Variants in BRAF observed in about 807,000 individuals in gnomAD.
The protein encoded by BRAF is serine/threonine-protein kinase B-raf.
BRAF carries 16 observed loss-of-function variants against 104.6 expected under a neutral mutation model. The ratio of observed to expected loss-of-function variants is 0.15; its 90% CI spans 0.10 to 0.23. The LOEUF is 0.23. Ranked by LOEUF, BRAF falls within the 10% of genes least tolerant of loss-of-function variation. BRAF has a pLI of 1.00. For synonymous variants in BRAF, 310 were observed against 341.6 expected (o/e 0.91, Z 1.02); for missense variants, 541 against 937.3 (o/e 0.58, Z 5.52).
Position 140,724,983 on chromosome 7 carries a change from G to C in BRAF, c.*1511C>G, listed in dbSNP as rs553762736. The C allele has an allele frequency of 2.9e-6, 3 of 1,044,588 alleles. No homozygotes were observed. Among genetic ancestry groups the C allele is most frequent in the Non-Finnish European group, 3.5e-6 (3 of 866,298 alleles). The allele number at this position is 1,044,588 out of a possible 1,614,324, so 64.7% of individuals were successfully genotyped here. A position where few individuals can be genotyped will look rare whatever the true frequency, so the allele number is the denominator to read the frequency against. On this transcript the variant is annotated 3_prime_UTR_variant, in exon 20 of 20. Transcript: ENST00000644969. ...GATAAGATTTAGGTTCTTAATGAAT[G>C]CCAGTTCTTTCTATAAAAACAACTG...
intron 1 of BRAF, 97 bp from the exon 2 acceptor site, chr7:140,850,309 T>G: frequency 1.1e-6 from 1 of 934,906 alleles, no homozygotes; most frequent in Non-Finnish European, 1.6e-6. Flanking sequence ...ACTGCCAGTG[T>G]TCCTCAAATT....
chr7:140,765,877 TG>T (rs1799267916), intron 14 of BRAF, among the ~76,000 whole-genome samples: 3 of 145,564 alleles, frequency 2.1e-5, no homozygotes, highest in South Asian at 4.4e-4. Context: ...TCAACCTTTG[TG>T]GAAGTCAGTG....
At chr7:140,797,259 C>T (rs1008432322) in intron 7 of BRAF, among the ~76,000 whole-genome samples, 4 of 152,182 alleles carry the variant, frequency 2.6e-5, no homozygotes, top group African/African-American at 2.4e-5. Context: ...AAACTTTGGT[C>T]TGGTGATACG....
At chr7:140,762,997 A>G (rs1449820880) in intron 14 of BRAF, among the ~76,000 whole-genome samples, 1 of 152,158 alleles carries the variant, frequency 6.6e-6, no homozygotes, top group Non-Finnish European at 1.5e-5. Context: ...AAAGTCTCCC[A>G]TGTCTACCTC....
At chr7:140,716,753 A>C (rs988005669), downstream of BRAF, among the ~76,000 whole-genome samples, 1 of 152,228 alleles carries the variant, frequency 6.6e-6, no homozygotes, top group Non-Finnish European at 1.5e-5. Context: ...TAAATACCAC[A>C]ATTAGTTGTC....
intron 1 of BRAF, among the ~76,000 whole-genome samples, chr7:140,899,058 T>TC (rs1456339584): frequency 6.6e-6 from 1 of 152,168 alleles, no homozygotes; most frequent in African/African-American, 2.4e-5. Flanking sequence ...GAACTTTTTT[T>TC]CTATCTTGGG....
intron 5 of BRAF, among the ~76,000 whole-genome samples, chr7:140,802,376 C>A (rs528981637): frequency 7.5e-5 from 11 of 147,158 alleles, no homozygotes; most frequent in African/African-American, 2.8e-4. Context: ...CGGCTCACTG[C>A]AACCTCCACC....
In BRAF at chr7:140,734,371, A is replaced by G. The variant is rs1373399693; in HGVS notation, c.2401+246T>C. The stretch of plus-strand genomic sequence containing the variant: ...AAAGCCTCTAGAAGAGGCTCTGCCA[A>G]TTTTTAGCAATGTCTATGTATTTTA... On this transcript the variant is annotated intron_variant, in intron 19 of 19. Coordinates refer to ENST00000644969, the MANE Select transcript of BRAF (RefSeq NM_001374258.1). 9.4e-6 allele frequency: 13 copies of G among 1,377,976 alleles called. No individual in the cohort carries two copies. In the East Asian group the frequency reaches 3.6e-4, roughly 38 times the overall value. The allele number at this position is 1,377,976 out of a possible 1,614,324, so 85.4% of individuals were successfully genotyped here. A position where few individuals can be genotyped will look rare whatever the true frequency, so the allele number is the denominator to read the frequency against.
chr7:140,742,714 T>G (rs534323110), intron 17 of BRAF, among the ~76,000 whole-genome samples: 208 of 152,198 alleles, frequency 1.4e-3, no homozygotes, highest in Middle Eastern at 3.4e-3. Flanking sequence ...AAGCCAAAAT[T>G]GACAAATGGG....
chr7:140,734,779 A>G lies in BRAF; in HGVS notation c.2248-9T>C. 5 of 1,334,320 alleles carry G rather than the reference A, an allele frequency of 3.7e-6. No individual in the cohort carries two copies. In the South Asian group the frequency reaches 5.9e-5, roughly 16 times the overall value. The allele number at this position is 1,334,320 out of a possible 1,614,324, so 82.7% of individuals were successfully genotyped here. On this transcript the variant is annotated splice_polypyrimidine_tract_variant and intron_variant, in intron 18 of 19. Coordinates refer to ENST00000644969, the MANE Select transcript of BRAF (RefSeq NM_001374258.1). ...TCAATAGAGGCGAGAATCTACAAAA[A>G]AAAAAAGAAAAAAAAAAGAAAAAAA...
chr7:140,725,248 A>G lies in BRAF; in HGVS notation c.*1246T>C. 9.6e-7 allele frequency: 1 copy of G among 1,044,830 alleles called. No homozygotes were observed. Among genetic ancestry groups the G allele is most frequent in the Non-Finnish European group, 1.2e-6 (1 of 866,052 alleles). 64.7% of individuals were successfully genotyped at this position (1,044,830 alleles called of 1,614,324 possible). On this transcript the variant is annotated 3_prime_UTR_variant, in exon 20 of 20. Coordinates refer to ENST00000644969, the MANE Select transcript of BRAF (RefSeq NM_001374258.1). Reference sequence around the variant, plus strand: ...ATCAGTTGGAAGAAACAATGAGATTATTAGCAAAGATGTTAGTGTGGATCC... The same window carrying G: ...ATCAGTTGGAAGAAACAATGAGATTGTTAGCAAAGATGTTAGTGTGGATCC...
At chr7:140,885,949 G>T (rs1725660554) in intron 1 of BRAF, among the ~76,000 whole-genome samples, 1 of 152,074 alleles carries the variant, frequency 6.6e-6, no homozygotes. Context: ...GTAATAGTTT[G>T]GTATGATTAT....
rs202074977 is a variant in BRAF at position 140,915,977 on chromosome 7, AAAAC to A, written c.138+8585_138+8588del. Among the ~76,000 whole-genome samples the A allele has an allele frequency of 1.4e-4, 21 of 150,566 alleles. No homozygotes were observed. The South Asian group carries it at 1.7e-3, about 12-fold the overall frequency. ...GCCTGAGCAACACAGCATCTCTACC[AAAAC>A]AAACAAACAAACAAACAAAAAAAAC... is the stretch of plus-strand genomic sequence containing the variant. On this transcript the variant is annotated intron_variant, in intron 1 of 19. Transcript: ENST00000644969.
rs919565711 is a variant in BRAF at position 140,924,659 on chromosome 7, G to A, written c.45C>T (p.Gly15=). 6 of 1,368,178 alleles carry A rather than the reference G, an allele frequency of 4.4e-6. No individual in the cohort carries two copies. The African/African-American group carries it at 9.0e-5, about 21-fold the overall frequency. 84.8% of individuals were successfully genotyped at this position (1,368,178 alleles called of 1,614,324 possible). ...SGGGGGGAEP[G]QALFNGDMEP... is the part of the protein sequence containing the mutation. ...CCATGTCCCCGTTGAACAGAGCCTGGCCCGGCTCCGCGCCGCCACCACCGC... is the reference window on the plus strand; with the variant it reads ...CCATGTCCCCGTTGAACAGAGCCTGACCCGGCTCCGCGCCGCCACCACCGC... Residue 15 remains glycine, a synonymous_variant, in exon 1 of 20, where the codon GGC becomes GGT. Transcript: ENST00000644969. This position sits in a 1 kb window ranked among gnomAD's most constrained non-coding sequence, Gnocchi z 4.2.
At chr7:140,776,796 T>C (rs1800376442) in intron 14 of BRAF, 116 bp downstream of exon 13, 6 of 1,011,114 alleles carry the variant, frequency 5.9e-6, no homozygotes, top group Non-Finnish European at 9.2e-6. Flanking sequence ...TTAGCATCCT[T>C]ATGTTCCTGG....
At chr7:140,794,950 A>G (rs1313427100) in intron 7 of BRAF, among the ~76,000 whole-genome samples, 2 of 152,232 alleles carry the variant, frequency 1.3e-5, no homozygotes, top group African/African-American at 2.4e-5. Context: ...GTTCCTTTAC[A>G]GGAGTTGAAT....
intron 5 of BRAF, among the ~76,000 whole-genome samples, chr7:140,804,001 C>T (rs1425712576): frequency 1.3e-5 from 2 of 152,094 alleles, no homozygotes; most frequent in African/African-American, 2.4e-5. Context: ...TCTCCTGCCT[C>T]AGCCTCCCAA....
chr7:140,904,241 T>G (rs73502747), intron 1 of BRAF, among the ~76,000 whole-genome samples: 14,786 of 152,172 alleles, frequency 0.097, 782 homozygotes, highest in South Asian at 0.19. Context: ...AGCCATCCTA[T>G]CCTTCAGTAA....
intron 1 of BRAF, among the ~76,000 whole-genome samples, chr7:140,886,747 C>G (rs1217593471): frequency 1.3e-5 from 2 of 152,178 alleles, no homozygotes; most frequent in African/African-American, 4.8e-5. Context: ...GCACATATCA[C>G]AATTCAGAAT....
Sources: allele counts gnomAD v4.1 joint callset (sites outside exome capture counted in the v4.1 genomes callset), GRCh38; gene constraint gnomAD v4.1.1; non-coding constraint Gnocchi (gnomAD v3.1); transcripts MANE v1.5; gene names NCBI Gene and HGNC (gene_info 2026-07-23, HGNC 2026-07-21).